The following METRNL variants were observed in gnomAD, a reference collection of about 807,000 sequenced individuals.
The protein encoded by METRNL is meteorin like, glial cell differentiation regulator.
A neutral mutation model predicts 17.4 loss-of-function variants in METRNL; 9 were observed. The ratio of observed to expected loss-of-function variants is 0.52; its 90% CI spans 0.31 to 0.90. The LOEUF (loss-of-function observed/expected upper bound fraction) is 0.90. Among genes scored for constraint, METRNL ranks in the 40% least tolerant of loss-of-function variants. The pLI, the probability that METRNL is intolerant of heterozygous loss-of-function variation, is 0.05. For synonymous variants in METRNL, 215 were observed against 199.3 expected (o/e 1.08, Z -0.66); for missense variants, 408 against 430.7 (o/e 0.95, Z 0.47).
intron 2 of METRNL, among the ~76,000 whole-genome samples, chr17:83,089,101 G>A (rs562731134): frequency 1.3e-5 from 2 of 152,246 alleles, no homozygotes; most frequent in South Asian, 4.1e-4. Flanking sequence ...CACCCCCGGG[G>A]CACCCCAGCA....
chr17:83,085,085 G>T lies in METRNL; in HGVS notation c.318G>T (p.Val106=). Residue 106 remains valine, a synonymous_variant, in exon 2 of 4, where the codon GTG becomes GTT. Transcript: ENST00000320095. ...NTFSPARHLT[V]CIRSFTDSSG... ...TCTCGCCTGCCCGGCACCTGACCGT[G>T]TGCATCAGGTCCTTCACGGACTCCT... 1 of 1,613,922 alleles carries T rather than the reference G, an allele frequency of 6.2e-7. No individual in the cohort carries two copies. Among genetic ancestry groups the T allele is most frequent in the Non-Finnish European group, 8.5e-7 (1 of 1,180,034 alleles).
intron 2 of METRNL, among the ~76,000 whole-genome samples, chr17:83,089,306 C>G (rs1034826501): frequency 6.6e-6 from 1 of 152,038 alleles, no homozygotes; most frequent in African/African-American, 2.4e-5. Flanking sequence ...GCGTGTCCCC[C>G]CGCTACCCCG....
At chr17:83,093,567 A>T (rs1439182938) in intron 3 of METRNL, among the ~76,000 whole-genome samples, 2 of 152,220 alleles carry the variant, frequency 1.3e-5, no homozygotes, top group African/African-American at 4.8e-5. Context: ...ACAGCATTTT[A>T]TCAGCAGCCC....
Position 83,079,795 on chromosome 17 carries a change from C to A in METRNL, c.-21C>A. On this transcript the variant is annotated 5_prime_UTR_variant, in exon 1 of 4. Transcript: ENST00000320095. ...CGGGGGTCGCGGACGCGGGGCCGGG[C>A]GGCGGAGCCGGCGCCAGAGCATGCG... 1.0e-6 allele frequency: 1 copy of A among 972,316 alleles called. No homozygotes were observed. The highest frequency in any genetic ancestry group is 1.2e-6 in the Non-Finnish European group (1 of 823,190). The allele number at this position is 972,316 out of a possible 1,614,324, so 60.2% of individuals were successfully genotyped here. A position where few individuals can be genotyped will look rare whatever the true frequency, so the allele number is the denominator to read the frequency against.
chr17:83,092,200 C>T (rs2038146194), intron 2 of METRNL, among the ~76,000 whole-genome samples: 1 of 152,210 alleles, frequency 6.6e-6, no homozygotes, highest in Admixed American at 6.5e-5. Context: ...GGGCATGCAC[C>T]TCATCCCGCG....
At position 83,085,182 on chromosome 17, in the gene METRNL, G is replaced by A. The variant is rs1190974345; in HGVS notation, c.415G>A (p.Gly139Ser). ...GGTACCAGACGGGGACGGCAGGCCCGGCCGGGTGCAGTGTTTTGGCCTGGA... is the reference window on the plus strand; with the variant it reads ...GGTACCAGACGGGGACGGCAGGCCCAGCCGGGTGCAGTGTTTTGGCCTGGA... ...LLVPDGDGRPGRVQCFGLEQG... is the reference protein window; with the variant it reads ...LLVPDGDGRPSRVQCFGLEQG... Residue 139 changes from glycine (G) to serine (S), a missense_variant, in exon 2 of 4, where the codon GGC (glycine) becomes AGC (serine). Coordinates refer to ENST00000320095, the MANE Select transcript of METRNL (RefSeq NM_001004431.3). The A allele has an allele frequency of 6.8e-6, 11 of 1,611,438 alleles. No homozygotes were observed. Among genetic ancestry groups the A allele is most frequent in the African/African-American group, 4.0e-5 (3 of 74,888 alleles).
Position 83,094,346 on chromosome 17 carries a change from A to G in METRNL, c.707A>G (p.Lys236Arg). The G allele has an allele frequency of 1.2e-6, 2 of 1,610,746 alleles. No individual in the cohort carries two copies. Among genetic ancestry groups the G allele is most frequent in the Non-Finnish European group, 1.7e-6 (2 of 1,178,412 alleles). The change falls in exon 4 of 4, where the codon AAA becomes AGA. Residue 236 changes from lysine (K) to arginine (R), a missense_variant. Coordinates refer to ENST00000320095, the MANE Select transcript of METRNL (RefSeq NM_001004431.3). ...HLRVSRLYRQ[K>R]SRVFEPVPEG... Reference sequence around the variant, plus strand: ...CGCGTGAGCAGACTCTATCGGCAGAAAAGCAGGGTCTTCGAGCCGGTGCCC... The same window carrying G: ...CGCGTGAGCAGACTCTATCGGCAGAGAAGCAGGGTCTTCGAGCCGGTGCCC...
In METRNL at chr17:83,080,579, C is replaced by A. The variant is rs867157089; in HGVS notation, c.170+594C>A. Among the ~76,000 whole-genome samples the A allele has an allele frequency of 2.6e-3, 242 of 93,306 alleles. 11 individuals carry two copies. Among genetic ancestry groups the A allele is most frequent in the Non-Finnish European group, 3.7e-3 (147 of 39,848 alleles). 61.2% of individuals were successfully genotyped at this position (93,306 alleles called of 152,430 possible). On this transcript the variant is annotated intron_variant, in intron 1 of 3. Coordinates refer to ENST00000320095, the MANE Select transcript of METRNL (RefSeq NM_001004431.3). ...TGCGCTGGGCGACCCCCCCCCCCCC[C>A]ACCCGCGGTGGCGGCCGAGGACTTT...
At chr17:83,089,493 A>G (rs536855458) in intron 2 of METRNL, among the ~76,000 whole-genome samples, 8 of 152,070 alleles carry the variant, frequency 5.3e-5, no homozygotes, top group African/African-American at 1.9e-4. Context: ...CCTGCCGTGC[A>G]ATCTAAGTCC....
Position 83,094,694 on chromosome 17 carries a change from C to A in METRNL, c.*119C>A. On this transcript the variant is annotated 3_prime_UTR_variant, in exon 4 of 4. Coordinates refer to ENST00000320095, the MANE Select transcript of METRNL (RefSeq NM_001004431.3). ...GGGAGCCGCATGCCCTGGGCCCAGG[C>A]CTGACCCTGGTACCGAAGCTGTGGA... 1 of 767,300 alleles carries A rather than the reference C, an allele frequency of 1.3e-6. No homozygotes were observed. The highest frequency in any genetic ancestry group is 1.8e-6 in the Non-Finnish European group (1 of 553,642). The allele number at this position is 767,300 out of a possible 1,614,324, so 47.5% of individuals were successfully genotyped here. A position where few individuals can be genotyped will look rare whatever the true frequency, so the allele number is the denominator to read the frequency against.
chr17:83,091,374 C>A (rs1382994652), intron 2 of METRNL, among the ~76,000 whole-genome samples: 2 of 152,228 alleles, frequency 1.3e-5, no homozygotes, highest in Non-Finnish European at 2.9e-5. Context: ...CCCTGCCTGG[C>A]GGAAAGTGCT....
At chr17:83,093,694 C>T (rs982969054) in intron 3 of METRNL, among the ~76,000 whole-genome samples, 5 of 152,176 alleles carry the variant, frequency 3.3e-5, no homozygotes, top group Non-Finnish European at 7.4e-5. Context: ...CCCAGGGCTC[C>T]AGCCCCTTTG....
In METRNL at chr17:83,079,827, G is replaced by A. The variant is rs1316221210; in HGVS notation, c.12G>A (p.Ala4=). Reference sequence around the variant, plus strand: ...GCCGGCGCCAGAGCATGCGGGGCGCGGCGCGGGCGGCCTGGGGGCGCGCGG... The same window carrying A: ...GCCGGCGCCAGAGCATGCGGGGCGCAGCGCGGGCGGCCTGGGGGCGCGCGG... The part of the protein sequence containing the change: MRG[A]ARAAWGRAGQ... Residue 4 remains alanine, a synonymous_variant, in exon 1 of 4, where the codon GCG becomes GCA. Coordinates refer to ENST00000320095, the MANE Select transcript of METRNL (RefSeq NM_001004431.3). 6.1e-6 allele frequency: 6 copies of A among 976,216 alleles called. No homozygotes were observed. In the African/African-American group the frequency reaches 7.1e-5, roughly 12 times the overall value. The allele number at this position is 976,216 out of a possible 1,614,324, so 60.5% of individuals were successfully genotyped here. A position where few individuals can be genotyped will look rare whatever the true frequency, so the allele number is the denominator to read the frequency against.
At chr17:83,093,126 T>C in intron 2 of METRNL, 41 bp from the exon 3 acceptor site, 2 of 1,564,684 alleles carry the variant, frequency 1.3e-6, no homozygotes, top group South Asian at 1.1e-5. Flanking sequence ...CCAGAGCCTG[T>C]CCCGTCCAGG....
intron 2 of METRNL, among the ~76,000 whole-genome samples, chr17:83,092,095 G>A (rs190950004): frequency 7.2e-4 from 109 of 152,318 alleles, no homozygotes; most frequent in Admixed American, 1.3e-3. Context: ...AGAAGCCTCC[G>A]TGCTTTCCGC....
intron 2 of METRNL, among the ~76,000 whole-genome samples, chr17:83,085,938 C>T (rs2038048225): frequency 6.6e-6 from 1 of 152,216 alleles, no homozygotes. Context: ...GAACATGGGG[C>T]CACCCCCGTC....
intron 1 of METRNL, among the ~76,000 whole-genome samples, chr17:83,083,881 G>A (rs934125459): frequency 3.9e-5 from 6 of 152,346 alleles, no homozygotes; most frequent in Non-Finnish European, 8.8e-5. Flanking sequence ...TGAGATCTGC[G>A]TAATAAAACA....
chr17:83,089,906 A>G (rs1345245054), intron 2 of METRNL, among the ~76,000 whole-genome samples: 2 of 151,898 alleles, frequency 1.3e-5, no homozygotes, highest in Non-Finnish European at 2.9e-5. Context: ...GCAGGCACTG[A>G]CCGTCCCCGG....
At position 83,080,947 on chromosome 17, in the gene METRNL, G is replaced by T. The variant is rs573457110; in HGVS notation, c.170+962G>T. Among the ~76,000 whole-genome samples, 63 of 151,542 alleles carry T rather than the reference G, an allele frequency of 4.2e-4. 1 individual carries two copies. The highest frequency in any genetic ancestry group is 8.3e-4 in the South Asian group (4 of 4,816). On this transcript the variant is annotated intron_variant, in intron 1 of 3. Coordinates refer to ENST00000320095, the MANE Select transcript of METRNL (RefSeq NM_001004431.3). ...TTTCCGAGAAGGTCGGGGCAGAGCC[G>T]GTGCGGGGCGGGTGGTGTCCGCGGG...
Sources: allele counts gnomAD v4.1 joint callset (sites outside exome capture counted in the v4.1 genomes callset), GRCh38; gene constraint gnomAD v4.1.1; transcripts MANE v1.5; gene names NCBI Gene and HGNC (gene_info 2026-07-23, HGNC 2026-07-21).